Variants in SAMMSON observed in about 807,000 individuals in gnomAD.
SAMMSON encodes the protein long intergenic non-protein coding RNA 1212.
At chr3:70,349,664 G>A (rs760932769) in intron 7 of SAMMSON, among the ~76,000 whole-genome samples, 2 of 152,096 alleles carry the variant, frequency 1.3e-5, no homozygotes, top group Non-Finnish European at 2.9e-5. Context: ...GATGAAGGTC[G>A]GGTTGGGAAA....
chr3:70,256,820 T>C (rs1325379073), intron 6 of SAMMSON, among the ~76,000 whole-genome samples: 2 of 152,326 alleles, frequency 1.3e-5, no homozygotes, highest in African/African-American at 4.8e-5. Flanking sequence ...AATACTGGAA[T>C]GCAAAGTAGA....
At chr3:70,383,610 A>G (rs1703092535) in intron 9 of SAMMSON, among the ~76,000 whole-genome samples, 1 of 152,004 alleles carries the variant, frequency 6.6e-6, no homozygotes, top group Admixed American at 6.6e-5. Context: ...TTTCAACAGG[A>G]GAAATTATTC....
chr3:70,034,902 G>C (rs1213013657), intron 3 of SAMMSON, among the ~76,000 whole-genome samples: 1 of 152,114 alleles, frequency 6.6e-6, no homozygotes, highest in African/African-American at 2.4e-5. Context: ...ACACTATTAA[G>C]AGGAAATCTT....
At chr3:70,027,012 G>C (rs1035177854) in intron 3 of SAMMSON, among the ~76,000 whole-genome samples, 1 of 152,138 alleles carries the variant, frequency 6.6e-6, no homozygotes, top group Admixed American at 6.5e-5. Flanking sequence ...ACTCTACTGG[G>C]AGTTTGTAAA....
intron 6 of SAMMSON, among the ~76,000 whole-genome samples, chr3:70,254,292 CT>C (rs909252660): frequency 6.6e-6 from 1 of 151,994 alleles, no homozygotes; most frequent in Admixed American, 6.6e-5. Context: ...TTAAGGGATT[CT>C]TTTTTCAAAA....
At chr3:70,365,963 A>AC (rs1575634431) in intron 9 of SAMMSON, among the ~76,000 whole-genome samples, 1 of 63,232 alleles carries the variant, frequency 1.6e-5, no homozygotes, top group East Asian at 3.5e-4. Context: ...TTTGTGCTTT[A>AC]CCTTTTCTTT....
At chr3:70,051,268 A>T (rs1461932324) in intron 3 of SAMMSON, among the ~76,000 whole-genome samples, 1 of 151,088 alleles carries the variant, frequency 6.6e-6, no homozygotes, top group African/African-American at 2.4e-5. Flanking sequence ...ACTTGATAAT[A>T]TGAATCCTAC....
At chr3:70,052,236 T>C (rs1359009653) in intron 3 of SAMMSON, among the ~76,000 whole-genome samples, 2 of 152,114 alleles carry the variant, frequency 1.3e-5, no homozygotes, top group Non-Finnish European at 2.9e-5. Flanking sequence ...ACTTTGACAA[T>C]GTCCCCAGAA....
intron 4 of SAMMSON, among the ~76,000 whole-genome samples, chr3:70,105,133 T>G (rs1475866727): frequency 6.6e-6 from 1 of 152,070 alleles, no homozygotes; most frequent in African/African-American, 2.4e-5. Flanking sequence ...TCAAGGGAAA[T>G]GTAACCCCAA....
At chr3:70,407,308 C>T (rs186874395) in intron 2 of SAMMSON, among the ~76,000 whole-genome samples, 2 of 152,208 alleles carry the variant, frequency 1.3e-5, no homozygotes, top group East Asian at 3.9e-4. Flanking sequence ...CCCAACAGTC[C>T]CCCAAAGTCT....
chr3:70,277,545 G>A (rs1702039632), intron 6 of SAMMSON, among the ~76,000 whole-genome samples: 1 of 152,128 alleles, frequency 6.6e-6, no homozygotes, highest in African/African-American at 2.4e-5. Flanking sequence ...TTGGCTTTTA[G>A]TGCTATTACT....
intron 7 of SAMMSON, among the ~76,000 whole-genome samples, chr3:70,329,852 A>T (rs1488801246): frequency 6.6e-6 from 1 of 152,014 alleles, no homozygotes; most frequent in Non-Finnish European, 1.5e-5. Context: ...GAATAAGCAG[A>T]AATATTTTGG....
intron 3 of SAMMSON, among the ~76,000 whole-genome samples, chr3:70,032,874 T>C (rs2067071161): frequency 6.6e-6 from 1 of 152,116 alleles, no homozygotes; most frequent in African/African-American, 2.4e-5. Context: ...TTTGGACAAA[T>C]AAAGGAAAAC....
intron 7 of SAMMSON, among the ~76,000 whole-genome samples, chr3:70,320,942 C>T (rs947378201): frequency 6.6e-6 from 1 of 151,940 alleles, no homozygotes; most frequent in African/African-American, 2.4e-5. Context: ...GCATCTACTT[C>T]AGAGTTGTTG....
At chr3:70,346,998 A>T (rs1301304196) in intron 7 of SAMMSON, among the ~76,000 whole-genome samples, 1 of 152,184 alleles carries the variant, frequency 6.6e-6, no homozygotes, top group East Asian at 1.9e-4. Flanking sequence ...CCCACTGATG[A>T]TATATTGATT....
chr3:70,062,886 G>T (rs1311898517), intron 3 of SAMMSON, among the ~76,000 whole-genome samples: 1 of 152,144 alleles, frequency 6.6e-6, no homozygotes, highest in Non-Finnish European at 1.5e-5. Flanking sequence ...ATTGGCATCA[G>T]TTGCATATTG....
intron 7 of SAMMSON, among the ~76,000 whole-genome samples, chr3:70,345,820 G>A (rs754516186): frequency 6.6e-6 from 1 of 151,968 alleles, no homozygotes; most frequent in Non-Finnish European, 1.5e-5. Flanking sequence ...TGGCTTGATA[G>A]CTTATTCCTT....
At chr3:70,237,886 AAGG>A (rs2106639212) in intron 4 of SAMMSON, among the ~76,000 whole-genome samples, 1 of 151,854 alleles carries the variant, frequency 6.6e-6, no homozygotes, top group Admixed American at 6.5e-5. Context: ...ACCACAAAGA[AAGG>A]AGGATGAACT....
intron 6 of SAMMSON, among the ~76,000 whole-genome samples, chr3:70,254,919 T>A (rs1217905192): frequency 6.6e-6 from 1 of 152,184 alleles, no homozygotes; most frequent in East Asian, 1.9e-4. Context: ...ACTGTAACAT[T>A]CCTCTGTAAT....
Sources: gnomAD v4.1 joint callset for allele counts (sites outside exome capture counted in the v4.1 genomes callset) on GRCh38, gnomAD v4.1.1 for gene constraint, MANE v1.5 for transcripts, NCBI Gene and HGNC (gene_info 2026-07-23, HGNC 2026-07-21) for gene names.